The following PDZRN3 variants were observed in gnomAD, a reference collection of about 807,000 sequenced individuals.
The protein encoded by PDZRN3 is PDZ domain containing ring finger 3, also known as E3 ubiquitin-protein ligase PDZRN3.
PDZRN3 carries 38 observed loss-of-function variants against 85.7 expected under a neutral mutation model. The observed-to-expected ratio is 0.44, with a 90% CI of 0.34 to 0.58. The LOEUF (loss-of-function observed/expected upper bound fraction) is 0.58, where lower values mean the gene tolerates loss of function less well. Among genes scored for constraint, PDZRN3 ranks in the 20% least tolerant of loss-of-function variants. The probability of loss-of-function intolerance (pLI) is 0.01; values close to 1 mark genes in which losing one functional copy is unlikely to be tolerated. For missense variants in PDZRN3, 1,629 were observed against 1,506.4 expected (o/e 1.08, Z -1.35); for synonymous variants, 759 against 638.0 (o/e 1.19, Z -2.86).
At chr3:73,575,877 G>A (rs1469863755) in intron 3 of PDZRN3, among the ~76,000 whole-genome samples, 2 of 152,134 alleles carry the variant, frequency 1.3e-5, no homozygotes, top group Non-Finnish European at 1.5e-5. Context: ...TACCTAAGCA[G>A]TAAGCCTCTT....
chr3:73,618,390 AGT>A (rs1381369399), intron 1 of PDZRN3, among the ~76,000 whole-genome samples: 4 of 152,220 alleles, frequency 2.6e-5, no homozygotes, highest in Non-Finnish European at 5.9e-5. Context: ...TTTTGGTAAC[AGT>A]GTGAGCTCGG....
chr3:73,433,991 C>T, intron 3 of PDZRN3: 1 of 1,274,868 alleles, frequency 7.8e-7, no homozygotes, highest in Non-Finnish European at 9.9e-7. Flanking sequence ...GTGACTCTGG[C>T]AGCTGGATTG....
At chr3:73,546,472 G>A (rs910272356) in intron 3 of PDZRN3, among the ~76,000 whole-genome samples, 10 of 152,190 alleles carry the variant, frequency 6.6e-5, no homozygotes, top group Non-Finnish European at 1.3e-4. Context: ...TTCATTTTGA[G>A]AAATAAATGT....
At chr3:73,559,437 GA>G (rs11303828) in intron 3 of PDZRN3, among the ~76,000 whole-genome samples, 128,115 of 152,180 alleles carry the variant, frequency 0.84, 53,966 homozygotes, top group East Asian at 0.89. Flanking sequence ...GTTGACACAA[GA>G]ATCCAAACAA....
At position 73,404,378 on chromosome 3, in the gene PDZRN3, T is replaced by C; in HGVS notation, c.936A>G (p.Leu312=). 3 of 1,613,962 alleles carry C rather than the reference T, an allele frequency of 1.9e-6. No homozygotes were observed. The highest frequency in any genetic ancestry group is 2.5e-6 in the Non-Finnish European group (3 of 1,179,924). Reference sequence around the variant, plus strand: ...CAGCCTGGTCATGAGTTGCTCTGGATAAGTCTCTGCCGTTGACCTGTGGAA... The same window carrying C: ...CAGCCTGGTCATGAGTTGCTCTGGACAAGTCTCTGCCGTTGACCTGTGGAA... ...DRIIEVNGRD[L]SRATHDQAVE... Residue 312 remains leucine (L), a synonymous_variant, in exon 4 of 10, where the codon TTA becomes TTG. Transcript: ENST00000263666.
intron 3 of PDZRN3, among the ~76,000 whole-genome samples, chr3:73,549,697 A>G (rs1257103825): frequency 6.6e-6 from 1 of 152,166 alleles, no homozygotes; most frequent in Non-Finnish European, 1.5e-5. Flanking sequence ...TAAGAAATGG[A>G]TATGTCTCAT....
At chr3:73,581,646 A>C (rs1702203293) in intron 3 of PDZRN3, among the ~76,000 whole-genome samples, 1 of 152,180 alleles carries the variant, frequency 6.6e-6, no homozygotes, top group Non-Finnish European at 1.5e-5. Flanking sequence ...ACTGTCACTG[A>C]ATAAAGTGGA....
chr3:73,457,379 T>G (rs1395839921), intron 3 of PDZRN3, among the ~76,000 whole-genome samples: 2 of 152,104 alleles, frequency 1.3e-5, no homozygotes, highest in African/African-American at 2.4e-5. Flanking sequence ...GGCCGTACCT[T>G]AGCTCATATT....
chr3:73,455,448 C>G (rs1045901326), intron 3 of PDZRN3, among the ~76,000 whole-genome samples: 1 of 152,142 alleles, frequency 6.6e-6, no homozygotes, highest in Non-Finnish European at 1.5e-5. Context: ...GGCTATGTCC[C>G]GACTCCACAC....
chr3:73,437,569 A>T (rs1283853852), intron 3 of PDZRN3, among the ~76,000 whole-genome samples: 1 of 152,224 alleles, frequency 6.6e-6, no homozygotes, highest in Non-Finnish European at 1.5e-5. Flanking sequence ...CTCACACTGC[A>T]GGAGGCGGAG....
At chr3:73,536,864 T>C (rs1221948170) in intron 3 of PDZRN3, among the ~76,000 whole-genome samples, 1 of 151,972 alleles carries the variant, frequency 6.6e-6, no homozygotes, top group Non-Finnish European at 1.5e-5. Flanking sequence ...AGGTGGGGTC[T>C]TAATCCCTCT....
rs142609369 is a variant in PDZRN3, at chr3:73,480,740, C to T, written c.919-76345G>A. ...TAATTGATTCTGTATCTCTGGCATC[C>T]GGTACAACAGCATCACCAGATGATA... On this transcript the variant is annotated intron_variant, in intron 3 of 9. Coordinates refer to ENST00000263666, the MANE Select transcript of PDZRN3 (RefSeq NM_015009.3). Among the ~76,000 whole-genome samples the T allele has an allele frequency of 3.2e-3, 487 of 152,248 alleles. 2 individuals are homozygous for T. Among genetic ancestry groups the T allele is most frequent in the African/African-American group, 0.011 (445 of 41,540 alleles).
chr3:73,421,482 T>C lies in PDZRN3; in HGVS notation c.919-17087A>G, dbSNP rs368447754. Among the ~76,000 whole-genome samples the C allele has an allele frequency of 1.5e-4, 23 of 152,248 alleles. No homozygotes were observed. In the South Asian group the frequency reaches 4.8e-3, roughly 32 times the overall value. On this transcript the variant is annotated intron_variant, in intron 3 of 9. Coordinates refer to ENST00000263666, the MANE Select transcript of PDZRN3 (RefSeq NM_015009.3). ...AGCACAGCATATGACCCGGAGAACA[T>C]AGTAGGCACTCACTAAATGCTGCCT...
chr3:73,589,970 T>C (rs896073454), intron 3 of PDZRN3, among the ~76,000 whole-genome samples: 3 of 152,082 alleles, frequency 2.0e-5, no homozygotes, highest in Non-Finnish European at 2.9e-5. Context: ...AAAATATTAT[T>C]TGTCAAAACG....
At chr3:73,554,995 G>T (rs1701658500) in intron 3 of PDZRN3, among the ~76,000 whole-genome samples, 1 of 152,218 alleles carries the variant, frequency 6.6e-6, no homozygotes, top group African/African-American at 2.4e-5. Context: ...GATTCCAACA[G>T]GCCTGACTGG....
chr3:73,413,765 G>A, intron 3 of PDZRN3, among the ~76,000 whole-genome samples: 1 of 152,144 alleles, frequency 6.6e-6, no homozygotes, highest in Non-Finnish European at 1.5e-5. Context: ...GAGAGGTGGG[G>A]CCCGGAGGTG....
At chr3:73,554,245 A>C (rs1310057411) in intron 3 of PDZRN3, among the ~76,000 whole-genome samples, 1 of 152,158 alleles carries the variant, frequency 6.6e-6, no homozygotes, top group Non-Finnish European at 1.5e-5. Context: ...GCAGCTTACG[A>C]GGTGTGACAT....
intron 3 of PDZRN3, among the ~76,000 whole-genome samples, chr3:73,439,812 C>G (rs1209465085): frequency 1.3e-5 from 2 of 149,850 alleles, no homozygotes; most frequent in Non-Finnish European, 3.0e-5. Context: ...GATCTCGGCT[C>G]ACTGCAACCT....
chr3:73,461,391 A>T (rs1255113843), intron 3 of PDZRN3, among the ~76,000 whole-genome samples: 1 of 152,226 alleles, frequency 6.6e-6, no homozygotes, highest in Non-Finnish European at 1.5e-5. Context: ...GACCAAAGAA[A>T]TCTCAAAAGG....
Sources: gnomAD v4.1 joint callset for allele counts (sites outside exome capture counted in the v4.1 genomes callset) on GRCh38, gnomAD v4.1.1 for gene constraint, MANE v1.5 for transcripts, NCBI Gene and HGNC (gene_info 2026-07-23, HGNC 2026-07-21) for gene names.